The following PPP1R9A variants were observed in gnomAD, a reference collection of about 807,000 sequenced individuals.
The protein encoded by PPP1R9A is neurabin-1.
In PPP1R9A, 59 loss-of-function variants were observed where a neutral mutation model predicts 141.9. The observed-to-expected ratio is 0.42, with a 90% CI of 0.34 to 0.52. PPP1R9A has a LOEUF of 0.52. Among genes scored for constraint, PPP1R9A ranks in the 20% least tolerant of loss-of-function variants. The pLI is 0.10. For synonymous variants in PPP1R9A, 500 were observed against 569.7 expected, an observed-to-expected ratio of 0.88 and a Z score of 1.74; for missense variants, 1,444 against 1,611.9, an observed-to-expected ratio of 0.90 and a Z score of 1.78.
At chr7:94,918,436 G>C (rs1445947993) in intron 2 of PPP1R9A, among the ~76,000 whole-genome samples, 1 of 151,824 alleles carries the variant, frequency 6.6e-6, no homozygotes, top group Non-Finnish European at 1.5e-5. Context: ...TGTGTGTAGG[G>C]AGGTGGTGCA....
At chr7:95,070,342 G>T (rs544379811) in intron 2 of PPP1R9A, among the ~76,000 whole-genome samples, 1 of 151,734 alleles carries the variant, frequency 6.6e-6, no homozygotes, top group African/African-American at 2.4e-5. Flanking sequence ...AAAAATTGTC[G>T]AATGGAGATA....
intron 2 of PPP1R9A, among the ~76,000 whole-genome samples, chr7:95,013,180 G>A (rs1006937581): frequency 6.6e-6 from 1 of 152,106 alleles, no homozygotes; most frequent in African/African-American, 2.4e-5. Flanking sequence ...CATTTTCACT[G>A]CATAAGAAAT....
intron 3 of PPP1R9A, among the ~76,000 whole-genome samples, chr7:95,115,486 A>T (rs549296768): frequency 6.6e-6 from 1 of 152,248 alleles, no homozygotes; most frequent in African/African-American, 2.4e-5. Context: ...ATAAAGGAAA[A>T]CTCTTCATTT....
At position 95,113,294 on chromosome 7, in the gene PPP1R9A, T is replaced by G. The variant is rs145133182; in HGVS notation, c.1528+1903T>G. ...CATGAAAGAGTCCCAATATATAAGT[T>G]GTAGGCAACAGAAGAGAAAAACGAC... is the stretch of plus-strand genomic sequence containing the variant. On this transcript the variant is annotated intron_variant, in intron 3 of 19. Transcript: ENST00000433360. Among the ~76,000 whole-genome samples, 603 of 152,128 alleles carry G rather than the reference T, an allele frequency of 4.0e-3. 1 individual carries two copies. Among genetic ancestry groups the G allele is most frequent in the South Asian group, 6.2e-3 (30 of 4,802 alleles).
chr7:95,129,544 T>G (rs561747649), intron 4 of PPP1R9A, among the ~76,000 whole-genome samples: 9 of 152,276 alleles, frequency 5.9e-5, no homozygotes, highest in Non-Finnish European at 1.2e-4. Context: ...GGGGTATTGC[T>G]GAAAAGACAC....
At chr7:94,980,513 G>A (rs1799974211) in intron 2 of PPP1R9A, among the ~76,000 whole-genome samples, 1 of 151,962 alleles carries the variant, frequency 6.6e-6, no homozygotes, top group Non-Finnish European at 1.5e-5. Context: ...GCTAGAGTGT[G>A]GTGACGCAAC....
At chr7:95,214,957 T>G (rs1792981729) in intron 7 of PPP1R9A, among the ~76,000 whole-genome samples, 1 of 151,774 alleles carries the variant, frequency 6.6e-6, no homozygotes, top group Non-Finnish European at 1.5e-5. Context: ...GAGTGAAAAA[T>G]CAGGAAATAT....
chr7:94,924,552 G>A (rs150842041), intron 2 of PPP1R9A, among the ~76,000 whole-genome samples: 10 of 151,890 alleles, frequency 6.6e-5, no homozygotes, highest in East Asian at 1.9e-4. Context: ...TTTTTGAGAC[G>A]GAGTCTTGCT....
At chr7:95,206,911 C>T (rs1165971630) in intron 7 of PPP1R9A, among the ~76,000 whole-genome samples, 4 of 152,068 alleles carry the variant, frequency 2.6e-5, no homozygotes, top group Admixed American at 2.6e-4. Context: ...ATGGACTACA[C>T]CTTTCTGTAA....
At chr7:95,260,355 T>A (rs1800237320) in intron 12 of PPP1R9A, among the ~76,000 whole-genome samples, 1 of 152,158 alleles carries the variant, frequency 6.6e-6, no homozygotes, top group Admixed American at 6.6e-5. Context: ...CACCAGACCC[T>A]TCAGTCATAC....
Position 95,058,868 on chromosome 7 carries a change from C to T in PPP1R9A, c.1396-52391C>T, listed in dbSNP as rs564156846. ...GCAGTGGCATGATCTCAACTCACTG[C>T]AACCTCTGACTCCCTGGTTCAAGTG... On this transcript the variant is annotated intron_variant, in intron 2 of 19. Coordinates refer to ENST00000433360, the MANE Select transcript of PPP1R9A (RefSeq NM_001166160.2). Among the ~76,000 whole-genome samples the T allele has an allele frequency of 2.6e-5, 4 of 152,176 alleles. No homozygotes were observed. The South Asian group carries it at 8.3e-4, about 32-fold the overall frequency.
At chr7:95,237,308 A>G (rs931466786) in intron 8 of PPP1R9A, among the ~76,000 whole-genome samples, 1 of 150,182 alleles carries the variant, frequency 6.7e-6, no homozygotes, top group African/African-American at 2.4e-5. Context: ...TGATTCTCCT[A>G]CTTCGGCCTC....
chr7:94,948,302 A>G (rs1796104894), intron 2 of PPP1R9A, among the ~76,000 whole-genome samples: 1 of 152,114 alleles, frequency 6.6e-6, no homozygotes, highest in African/African-American at 2.4e-5. Context: ...CATTAGAGTT[A>G]TCTGGCAAAC....
At chr7:95,188,914 A>G (rs1406273191) in intron 5 of PPP1R9A, among the ~76,000 whole-genome samples, 1 of 152,046 alleles carries the variant, frequency 6.6e-6, no homozygotes, top group Non-Finnish European at 1.5e-5. Context: ...CATGAGATTT[A>G]TGCTTCAAGG....
chr7:95,235,703 A>G (rs543814404), intron 8 of PPP1R9A, among the ~76,000 whole-genome samples: 2 of 152,332 alleles, frequency 1.3e-5, no homozygotes, highest in South Asian at 4.1e-4. Context: ...ATACATTTTT[A>G]TAGCAGTACA....
chr7:95,198,294 A>G, intron 5 of PPP1R9A, 55 bp from the exon 6 acceptor site: 1 of 1,503,154 alleles, frequency 6.7e-7, no homozygotes, highest in South Asian at 1.4e-5. Context: ...ACTTTTCTTA[A>G]AACTCCTTTT....
intron 2 of PPP1R9A, among the ~76,000 whole-genome samples, chr7:94,940,022 CT>C (rs1341619516): frequency 6.6e-6 from 1 of 151,986 alleles, no homozygotes; most frequent in Non-Finnish European, 1.5e-5. Context: ...GACATAATAA[CT>C]GCTCAGTTAA....
intron 4 of PPP1R9A, among the ~76,000 whole-genome samples, chr7:95,138,725 A>G (rs983851558): frequency 2.0e-5 from 3 of 152,270 alleles, no homozygotes; most frequent in African/African-American, 7.2e-5. Flanking sequence ...TTCAAAGTGG[A>G]AAACTTATGA....
At chr7:95,070,554 A>G (rs985093549) in intron 2 of PPP1R9A, among the ~76,000 whole-genome samples, 1 of 140,736 alleles carries the variant, frequency 7.1e-6, no homozygotes, top group Admixed American at 7.2e-5. Flanking sequence ...TAAATGACTA[A>G]TACTAAAATT....
Sources: gnomAD v4.1 joint callset for allele counts (sites outside exome capture counted in the v4.1 genomes callset) on GRCh38, gnomAD v4.1.1 for gene constraint, MANE v1.5 for transcripts, NCBI Gene and HGNC (gene_info 2026-07-23, HGNC 2026-07-21) for gene names.